PPP5C: variants seen among roughly 807,000 people sequenced by gnomAD.
PPP5C encodes serine/threonine-protein phosphatase 5.
PPP5C carries 21 observed loss-of-function variants against 66.7 expected under a neutral mutation model. The observed-to-expected ratio is 0.31, with a 90% CI of 0.22 to 0.45. The LOEUF (loss-of-function observed/expected upper bound fraction) is 0.45. Ranked by LOEUF, PPP5C falls within the 20% of genes least tolerant of loss-of-function variation. PPP5C has a pLI of 1.00. For synonymous variants in PPP5C, 246 were observed against 257.4 expected (o/e 0.96, Z 0.43); for missense variants, 464 against 675.9 (o/e 0.69, Z 3.48).
At chr19:46,363,495 T>C (rs1289598114) in intron 2 of PPP5C, among the ~76,000 whole-genome samples, 2 of 151,238 alleles carry the variant, frequency 1.3e-5, no homozygotes, top group African/African-American at 4.9e-5. Context: ...AGTGGCGCGA[T>C]CTCGGCTCAC....
Position 46,388,022 on chromosome 19 carries a change from A to T in PPP5C, c.1136-386A>T, listed in dbSNP as rs868424424. 39 of 275,378 alleles carry T rather than the reference A, an allele frequency of 1.4e-4. No homozygotes were observed. The highest frequency in any genetic ancestry group is 8.1e-4 in the African/African-American group (38 of 46,872). The allele number at this position is 275,378 out of a possible 1,614,324, so 17.1% of individuals were successfully genotyped here. Reference sequence around the variant, plus strand: ...GCAGGGCTGTGCTTTGAGGGCTGACATTGGACATGGGGTTCACTGGGCCCA... The same window carrying T: ...GCAGGGCTGTGCTTTGAGGGCTGACTTTGGACATGGGGTTCACTGGGCCCA... On this transcript the variant is annotated intron_variant, in intron 9 of 12. Coordinates refer to ENST00000012443, the MANE Select transcript of PPP5C (RefSeq NM_006247.4). This position sits in a 1 kb window ranked among gnomAD's most constrained non-coding sequence, Gnocchi z 4.9.
At chr19:46,348,307 ATTT>A (rs35992791) in intron 1 of PPP5C, among the ~76,000 whole-genome samples, 28 of 111,228 alleles carry the variant, frequency 2.5e-4, no homozygotes, top group African/African-American at 2.7e-4. Flanking sequence ...CCAGTTTGGA[ATTT>A]TTTTTTTTTT....
At position 46,390,295 on chromosome 19, in the gene PPP5C, C is replaced by T. The variant is rs776682862; in HGVS notation, c.1449C>T (p.Asn483=). The change falls in exon 13 of 13, where the codon AAC becomes AAT. Residue 483 remains asparagine, a synonymous_variant. Coordinates refer to ENST00000012443, the MANE Select transcript of PPP5C (RefSeq NM_006247.4). ...CCCTGGTCCCACAGCCTCATCCCAACGTCAAGCCCATGGCCTATGCCAACA... is the reference window on the plus strand; with the variant it reads ...CCCTGGTCCCACAGCCTCATCCCAATGTCAAGCCCATGGCCTATGCCAACA... ...FHQFTAVPHP[N]VKPMAYANTL... is the part of the protein sequence containing the mutation. The T allele has an allele frequency of 2.9e-5, 46 of 1,591,948 alleles. No homozygotes were observed. Among genetic ancestry groups the T allele is most frequent in the South Asian group, 5.7e-5 (5 of 88,236 alleles).
Position 46,376,798 on chromosome 19 carries a change from G to A in PPP5C, c.633+224G>A, listed in dbSNP as rs1173992133. On this transcript the variant is annotated intron_variant, in intron 4 of 12. Transcript: ENST00000012443. This position sits in a 1 kb window ranked among gnomAD's most constrained non-coding sequence, Gnocchi z 5.1. Reference sequence around the variant, plus strand: ...GGCAGTGCCATTTGACAGATGCAGGGACAAAGGGCCAGAGAGGTCAGGTGA... The same window carrying A: ...GGCAGTGCCATTTGACAGATGCAGGAACAAAGGGCCAGAGAGGTCAGGTGA... 9.4e-6 allele frequency: 5 copies of A among 532,290 alleles called. No homozygotes were observed. The highest frequency in any genetic ancestry group is 1.3e-5 in the Non-Finnish European group (4 of 309,588). The allele number at this position is 532,290 out of a possible 1,614,324, so 33.0% of individuals were successfully genotyped here.
intron 2 of PPP5C, among the ~76,000 whole-genome samples, chr19:46,370,788 TG>T (rs1323050404): frequency 6.6e-6 from 1 of 152,164 alleles, no homozygotes; most frequent in Admixed American, 6.5e-5. Context: ...TCGCCCATGC[TG>T]GAGTGCAGTG....
chr19:46,364,735 G>A (rs1210815531), intron 2 of PPP5C, among the ~76,000 whole-genome samples: 1 of 152,034 alleles, frequency 6.6e-6, no homozygotes, highest in Non-Finnish European at 1.5e-5. Flanking sequence ...GTCTCCATTC[G>A]ATTTGTCTGG....
chr19:46,353,603 A>G (rs1601411667), intron 1 of PPP5C, 145 bp from the exon 2 acceptor site: 2 of 1,235,716 alleles, frequency 1.6e-6, no homozygotes, highest in South Asian at 1.5e-5. Context: ...GACAGGCAGG[A>G]GGGGCAGGCT....
intron 2 of PPP5C, among the ~76,000 whole-genome samples, chr19:46,367,136 T>C (rs537701700): frequency 9.8e-5 from 15 of 152,320 alleles, no homozygotes; most frequent in Middle Eastern, 6.8e-3. Flanking sequence ...TTTCACCAGA[T>C]GGTGTGAAAG....
chr19:46,367,640 C>T (rs568475139), intron 2 of PPP5C, among the ~76,000 whole-genome samples: 6 of 152,318 alleles, frequency 3.9e-5, no homozygotes, highest in South Asian at 4.1e-4. Flanking sequence ...GAGGGGGCCC[C>T]GGCATCCCTG....
intron 11 of PPP5C, 36 bp from the exon 12 acceptor site, chr19:46,390,015 C>G: frequency 6.2e-7 from 1 of 1,604,582 alleles, no homozygotes; most frequent in South Asian, 1.1e-5. Context: ...CCACCCAGCC[C>G]TGACCACACT....
At chr19:46,349,856 GA>G (rs147963159) in intron 1 of PPP5C, among the ~76,000 whole-genome samples, 10 of 146,852 alleles carry the variant, frequency 6.8e-5, no homozygotes, top group Non-Finnish European at 9.1e-5. Context: ...TCCAGGCAGG[GA>G]AAAAAAAAAC....
chr19:46,360,725 A>G (rs1306936041), intron 2 of PPP5C, among the ~76,000 whole-genome samples: 1 of 152,150 alleles, frequency 6.6e-6, no homozygotes, highest in East Asian at 1.9e-4. Flanking sequence ...GTGGTCTTGA[A>G]CTAGCCTCAA....
chr19:46,382,436 C>G (rs1972808664), intron 4 of PPP5C: 1 of 152,158 alleles, frequency 6.6e-6, no homozygotes, highest in African/African-American at 2.4e-5. Flanking sequence ...TGTAACTTTT[C>G]TACCTTCTGA....
intron 2 of PPP5C, among the ~76,000 whole-genome samples, chr19:46,363,135 C>T (rs111675487): frequency 0.015 from 2,269 of 146,620 alleles, 68 homozygotes; most frequent in African/African-American, 0.054. Context: ...GGTGAAACCC[C>T]GTCTCTACTA....
chr19:46,387,570 G>C, intron 9 of PPP5C, 117 bp downstream of exon 9: 1 of 1,575,638 alleles, frequency 6.3e-7, no homozygotes, highest in South Asian at 1.2e-5. Context: ...AGAAACAGCG[G>C]GTCTGAGCCT....
At chr19:46,351,211 C>T (rs561944327) in intron 1 of PPP5C, among the ~76,000 whole-genome samples, 39 of 152,238 alleles carry the variant, frequency 2.6e-4, no homozygotes, top group Non-Finnish European at 3.7e-4. Flanking sequence ...TGCTTGATGA[C>T]GCCTGGGCAA....
At chr19:46,372,591 T>C (rs183647591) in intron 2 of PPP5C, among the ~76,000 whole-genome samples, 364 of 152,334 alleles carry the variant, frequency 2.4e-3, no homozygotes, top group Non-Finnish European at 4.1e-3. Context: ...TCTTCGGGGA[T>C]TGTGAACCTG....
intron 9 of PPP5C, chr19:46,387,833 C>T: frequency 1.1e-6 from 1 of 923,666 alleles, no homozygotes; most frequent in Non-Finnish European, 1.4e-6. Flanking sequence ...CTGCAGAGGA[C>T]ATGGATTGGG....
intron 2 of PPP5C, among the ~76,000 whole-genome samples, chr19:46,362,192 G>A (rs1217755748): frequency 6.6e-6 from 1 of 152,110 alleles, no homozygotes; most frequent in Non-Finnish European, 1.5e-5. Flanking sequence ...CTTAGTGACC[G>A]TAATTCATAG....
Sources: gnomAD v4.1 joint callset for allele counts (sites outside exome capture counted in the v4.1 genomes callset) on GRCh38, gnomAD v4.1.1 for gene constraint, Gnocchi (gnomAD v3.1) non-coding constraint, MANE v1.5 for transcripts, NCBI Gene and HGNC (gene_info 2026-07-23, HGNC 2026-07-21) for gene names.